The following GABRA3 variants were observed in gnomAD, a reference collection of about 807,000 sequenced individuals.
The protein encoded by GABRA3 is gamma-aminobutyric acid type A receptor subunit alpha3.
GABRA3 carries 10 observed loss-of-function variants against 30.1 expected under a neutral mutation model. The ratio of observed to expected loss-of-function variants is 0.33; its 90% CI spans 0.20 to 0.56. The LOEUF (loss-of-function observed/expected upper bound fraction) is 0.56, where lower values mean the gene tolerates loss of function less well. Among genes scored for constraint, GABRA3 ranks in the 20% least tolerant of loss-of-function variants. The pLI is 0.89. For missense variants in GABRA3, 233 were observed against 392.0 expected (o/e 0.59, Z 3.42); for synonymous variants, 151 against 146.8 (o/e 1.03, Z -0.21).
In GABRA3 at chrX:152,204,182, T is replaced by G. The variant is rs779301197; in HGVS notation, c.778+3819A>C. ...AATACCTTAGAGTAGGGAATCAATA[T>G]TTCATCTCTAAAGGTGAAAAATGGC... On this transcript the variant is annotated intron_variant, in intron 7 of 9. Coordinates refer to ENST00000370314, the MANE Select transcript of GABRA3 (RefSeq NM_000808.4). 2.7e-5 allele frequency among the ~76,000 whole-genome samples: 3 copies of G among 111,684 alleles called. No homozygotes were observed. In the Admixed American group the frequency reaches 2.9e-4, roughly 11 times the overall value.
intron 1 of GABRA3, among the ~76,000 whole-genome samples, chrX:152,429,666 C>T (rs1930606314): frequency 8.9e-6 from 1 of 111,833 alleles, no homozygotes; most frequent in South Asian, 3.7e-4. Context: ...TTTCCTATTT[C>T]CATTTAAAGT....
Position 152,227,848 on chromosome X carries a change from T to C in GABRA3, c.552-3003A>G, listed in dbSNP as rs138635040. The stretch of plus-strand genomic sequence containing the variant: ...CCGGAGAGCTGCAGTGCAAATCTGG[T>C]GTTCTTTCTACACTAGCAATTTTCC... On this transcript the variant is annotated intron_variant, in intron 5 of 9. Coordinates refer to ENST00000370314, the MANE Select transcript of GABRA3 (RefSeq NM_000808.4). Among the ~76,000 whole-genome samples the C allele has an allele frequency of 8.0e-3, 887 of 111,261 alleles. 7 individuals carry two copies. The highest frequency in any genetic ancestry group is 0.027 in the African/African-American group (816 of 30,646).
chrX:152,204,204 T>C (rs1184728156), intron 7 of GABRA3, among the ~76,000 whole-genome samples: 2 of 111,815 alleles, frequency 1.8e-5, no homozygotes, highest in East Asian at 5.6e-4. Context: ...AGGTGAAAAA[T>C]GGCAGTATAA....
In GABRA3 at chrX:152,340,678, T is replaced by C. The variant is rs538334220; in HGVS notation, c.262+4903A>G. Among the ~76,000 whole-genome samples the C allele has an allele frequency of 2.3e-4, 26 of 112,256 alleles. No homozygotes were observed. The South Asian group carries it at 8.8e-3, about 38-fold the overall frequency. ...TGCTCCACTACCTTGTGACAAAAAGTCTAGTATCCTTCTAAAGTTTTTCAT... is the reference window on the plus strand; with the variant it reads ...TGCTCCACTACCTTGTGACAAAAAGCCTAGTATCCTTCTAAAGTTTTTCAT... On this transcript the variant is annotated intron_variant, in intron 3 of 9. Transcript: ENST00000370314.
At chrX:152,344,835 A>G (rs5970281) in intron 3 of GABRA3, among the ~76,000 whole-genome samples, 24,936 of 111,120 alleles carry the variant, frequency 0.22, 2,671 homozygotes, top group African/African-American at 0.43. Flanking sequence ...GCATAATCCT[A>G]GATTGAATCC....
chrX:152,317,858 C>A (rs1254329495), intron 3 of GABRA3, among the ~76,000 whole-genome samples: 1 of 111,168 alleles, frequency 9.0e-6, no homozygotes, highest in Non-Finnish European at 1.9e-5. Flanking sequence ...ATGCCTACAT[C>A]AAAAAGTCTG....
chrX:152,416,557 A>G (rs1313379074), intron 1 of GABRA3, among the ~76,000 whole-genome samples: 3 of 110,593 alleles, frequency 2.7e-5, no homozygotes, highest in Middle Eastern at 4.6e-3. Context: ...AAGAGCCCGC[A>G]TCGCCAAGTC....
At chrX:152,344,959 C>T (rs1307499099) in intron 3 of GABRA3, among the ~76,000 whole-genome samples, 1 of 111,527 alleles carries the variant, frequency 9.0e-6, no homozygotes, top group African/African-American at 3.3e-5. Context: ...TATAATAACC[C>T]GTGATATATT....
chrX:152,377,394 G>A (rs1215624629), intron 1 of GABRA3, among the ~76,000 whole-genome samples: 1 of 111,404 alleles, frequency 9.0e-6, no homozygotes, highest in African/African-American at 3.3e-5. Flanking sequence ...CACTCAGTTT[G>A]CAATGACTAA....
chrX:152,295,227 C>T (rs1474930261), intron 3 of GABRA3, among the ~76,000 whole-genome samples: 2 of 112,426 alleles, frequency 1.8e-5, no homozygotes, highest in Non-Finnish European at 3.8e-5. Flanking sequence ...CTGCTCTCTT[C>T]AGAGCTGTCA....
At chrX:152,278,237 C>A (rs763273628) in intron 4 of GABRA3, among the ~76,000 whole-genome samples, 3 of 108,214 alleles carry the variant, frequency 2.8e-5, no homozygotes, top group Non-Finnish European at 5.7e-5. Flanking sequence ...TTAGGTATAT[C>A]TCCTAATGCT....
chrX:152,406,571 A>AAAATAT (rs1929941605), intron 1 of GABRA3, among the ~76,000 whole-genome samples: 1 of 95,585 alleles, frequency 1.0e-5, no homozygotes, highest in Non-Finnish European at 2.1e-5. Context: ...CTAACACTGG[A>AAAATAT]ATATATATAT....
At position 152,364,435 on chromosome X, in the gene GABRA3, C is replaced by T; in HGVS notation, c.136G>A (p.Gly46Ser). Residue 46 changes from glycine to serine, a missense_variant, in exon 2 of 10, where the codon GGC becomes AGC. By Grantham distance (56) the Gly-to-Ser change is moderately conservative. Coordinates refer to ENST00000370314, the MANE Select transcript of GABRA3 (RefSeq NM_000808.4). ...EPGDFVKQDIGGLSPKHAPDI... is the reference protein window; with the variant it reads ...EPGDFVKQDISGLSPKHAPDI... ...CTAAGAGTTAGGGGTTCTTACCCGC[C>T]AATGTCCTGCTTCACAAAGTCCCCG... The T allele has an allele frequency of 1.7e-6, 2 of 1,208,313 alleles. No individual in the cohort carries two copies. The highest frequency in any genetic ancestry group is 1.8e-5 in the South Asian group (1 of 56,386).
At chrX:152,182,431 ATAGT>A (rs72517737) in intron 9 of GABRA3, among the ~76,000 whole-genome samples, 2,515 of 91,058 alleles carry the variant, frequency 0.028, 78 homozygotes, top group African/African-American at 0.076. Flanking sequence ...TGCACTATAT[ATAGT>A]ATGTATACAC....
intron 4 of GABRA3, among the ~76,000 whole-genome samples, chrX:152,279,121 C>G (rs1266774815): frequency 4.5e-5 from 5 of 111,731 alleles, no homozygotes; most frequent in Non-Finnish European, 7.5e-5. Context: ...TTAATTAGAT[C>G]CCATTTGTCA....
chrX:152,450,569 G>T (rs1410798181), intron 1 of GABRA3, among the ~76,000 whole-genome samples: 1 of 110,458 alleles, frequency 9.1e-6, no homozygotes, highest in African/African-American at 3.3e-5. Flanking sequence ...CTGCTTTAAA[G>T]GAAGCAGTTA....
intron 5 of GABRA3, among the ~76,000 whole-genome samples, chrX:152,237,000 T>C (rs914514109): frequency 9.3e-6 from 1 of 107,753 alleles, no homozygotes; most frequent in African/African-American, 3.4e-5. Flanking sequence ...TTTAGTTTAA[T>C]TAGATCCCAT....
intron 7 of GABRA3, among the ~76,000 whole-genome samples, chrX:152,201,893 A>G (rs1170275770): frequency 9.0e-6 from 1 of 111,545 alleles, no homozygotes; most frequent in Non-Finnish European, 1.9e-5. Context: ...TATGCTACAC[A>G]TCTAAAGAAA....
At chrX:152,251,081 T>G (rs150745327) in intron 5 of GABRA3, 1 of 320,391 alleles carries the variant, frequency 3.1e-6, no homozygotes, top group African/African-American at 2.8e-5. Context: ...TGAGCCTATG[T>G]CTCCCTCCAG....
Sources: allele counts gnomAD v4.1 joint callset (sites outside exome capture counted in the v4.1 genomes callset), GRCh38; gene constraint gnomAD v4.1.1; transcripts MANE v1.5; gene names NCBI Gene and HGNC (gene_info 2026-07-23, HGNC 2026-07-21).